Variants in POU2F2 observed in about 807,000 individuals in gnomAD.
POU2F2 encodes the protein POU class 2 homeobox 2.
A neutral mutation model predicts 63.5 loss-of-function variants in POU2F2; 14 were observed. The observed-to-expected ratio is 0.22, with a 90% CI of 0.15 to 0.34. POU2F2 has a LOEUF of 0.34. POU2F2 is among the 10% of genes least tolerant of loss of function. POU2F2 has a pLI of 1.00. For missense variants in POU2F2, 607 were observed against 815.2 expected (o/e 0.74, Z 3.11); for synonymous variants, 306 against 348.6 (o/e 0.88, Z 1.36).
chr19:42,091,485 C>A lies in POU2F2; in HGVS notation c.1647G>T (p.Ser549=). Residue 549 remains serine (S), a synonymous_variant, in exon 15 of 15, where the codon TCG becomes TCT. Coordinates refer to ENST00000692977, the MANE Select transcript of POU2F2 (RefSeq NM_001394376.1). ...GCCCAGCATGATTCAAGAAGAGCGG[C>A]GAGGTCACCAGGCCAGGGCTCCCCG... The part of the protein sequence containing the change: ...AAPGSPGLVT[S]PLFLNHAGLP... The A allele has an allele frequency of 1.3e-6, 2 of 1,549,602 alleles. No homozygotes were observed. The highest frequency in any genetic ancestry group is 8.7e-7 in the Non-Finnish European group (1 of 1,145,778).
chr19:42,192,044 T>C (rs2035080387), intron 1 of POU2F2, among the ~76,000 whole-genome samples: 1 of 152,212 alleles, frequency 6.6e-6, no homozygotes, highest in Non-Finnish European at 1.5e-5. Context: ...CTGTAAATGT[T>C]CACTATGTAT....
At chr19:42,122,613 G>A in intron 1 of POU2F2, 37 bp from the exon 2 acceptor site, 4 of 1,494,538 alleles carry the variant, frequency 2.7e-6, no homozygotes, top group Non-Finnish European at 3.6e-6. Context: ...GGGTGAAGGA[G>A]GGGAATCCAG....
intron 5 of POU2F2, among the ~76,000 whole-genome samples, chr19:42,106,806 G>C (rs924697593): frequency 2.0e-5 from 3 of 147,944 alleles, no homozygotes; most frequent in Non-Finnish European, 4.5e-5. Flanking sequence ...GGAGGAGGAA[G>C]AGGAGGAGGA....
intron 2 of POU2F2, among the ~76,000 whole-genome samples, chr19:42,151,328 G>A (rs929466329): frequency 1.3e-5 from 2 of 152,236 alleles, no homozygotes; most frequent in East Asian, 1.9e-4. Flanking sequence ...GGTGGGGGCC[G>A]CCTGCCCCTC....
intron 1 of POU2F2, among the ~76,000 whole-genome samples, chr19:42,188,294 A>G (rs1599732107): frequency 6.6e-6 from 1 of 150,794 alleles, no homozygotes; most frequent in Non-Finnish European, 1.5e-5. Context: ...TAAGTCTGGG[A>G]GGCAGAGGTT....
intron 1 of POU2F2, among the ~76,000 whole-genome samples, chr19:42,194,498 C>T (rs1457196533): frequency 6.6e-6 from 1 of 151,334 alleles, no homozygotes; most frequent in African/African-American, 2.4e-5. Flanking sequence ...GTGGCTCATG[C>T]CTGTAATCCC....
At position 42,092,970 on chromosome 19, in the gene POU2F2, ATATAT is replaced by A. The variant is rs1403079748; in HGVS notation, c.1265-705_1265-701del. ...TTATGTGTATATATATTATGCATAT[ATATAT>A]TATGTGTGTGTGTATATATATATAT... On this transcript the variant is annotated intron_variant, in intron 12 of 14. Coordinates refer to ENST00000692977, the MANE Select transcript of POU2F2 (RefSeq NM_001394376.1). The surrounding 1 kb of genome is among the most constrained non-coding windows in gnomAD (Gnocchi z 5.0). Among the ~76,000 whole-genome samples, 8 of 143,214 alleles carry A rather than the reference ATATAT, an allele frequency of 5.6e-5. No homozygotes were observed. Among genetic ancestry groups the A allele is most frequent in the African/African-American group, 1.3e-4 (5 of 38,658 alleles). The allele number at this position is 143,214 out of a possible 152,430, so 94.0% of individuals were successfully genotyped here. A position where few individuals can be genotyped will look rare whatever the true frequency, so the allele number is the denominator to read the frequency against.
intron 5 of POU2F2, among the ~76,000 whole-genome samples, chr19:42,111,077 C>T (rs1427105660): frequency 6.6e-6 from 1 of 152,128 alleles, no homozygotes; most frequent in African/African-American, 2.4e-5. Flanking sequence ...CTGAGTCCTT[C>T]CTTCCTTCCA....
At chr19:42,126,074 G>A (rs553523690) in intron 1 of POU2F2, among the ~76,000 whole-genome samples, 5 of 152,320 alleles carry the variant, frequency 3.3e-5, no homozygotes, top group East Asian at 3.9e-4. Context: ...TGTATTTGGA[G>A]ATAGGGTCTT....
At chr19:42,171,719 G>C (rs539940961) in intron 1 of POU2F2, among the ~76,000 whole-genome samples, 3 of 152,298 alleles carry the variant, frequency 2.0e-5, no homozygotes, top group South Asian at 2.1e-4. Flanking sequence ...CACCCCGGGT[G>C]GGGGAGGGTC....
At chr19:42,190,321 A>G (rs2035062278) in intron 1 of POU2F2, among the ~76,000 whole-genome samples, 2 of 152,076 alleles carry the variant, frequency 1.3e-5, no homozygotes, top group Non-Finnish European at 2.9e-5. Flanking sequence ...ACCTATATAT[A>G]TATATATGTT....
intron 1 of POU2F2, among the ~76,000 whole-genome samples, chr19:42,166,154 G>A (rs979627456): frequency 3.9e-5 from 6 of 152,170 alleles, no homozygotes; most frequent in Admixed American, 6.5e-5. Context: ...GAAAAGGATC[G>A]AGCACAGGAG....
upstream of POU2F2, chr19:42,177,450 G>A (rs2034908181): frequency 6.5e-6 from 1 of 153,040 alleles, no homozygotes; most frequent in African/African-American, 2.4e-5. Context: ...GAGAGGGAGA[G>A]GGAGAGGGCG....
upstream of POU2F2, among the ~76,000 whole-genome samples, chr19:42,179,610 G>A (rs958455525): frequency 2.6e-4 from 40 of 152,198 alleles, no homozygotes; most frequent in African/African-American, 9.2e-4. Context: ...ACCGCCCTTC[G>A]CTTTGTTACC....
chr19:42,163,560 G>A (rs913541023), intron 1 of POU2F2, among the ~76,000 whole-genome samples: 1 of 152,052 alleles, frequency 6.6e-6, no homozygotes, highest in Admixed American at 6.5e-5. Flanking sequence ...CTGCTGACAC[G>A]GCACATGTCT....
upstream of POU2F2, among the ~76,000 whole-genome samples, chr19:42,179,106 G>A (rs149623416): frequency 4.0e-4 from 61 of 152,260 alleles, 1 homozygote; most frequent in East Asian, 9.7e-4. Context: ...GGGATGGGGG[G>A]CAGAGACAGA....
intron 5 of POU2F2, chr19:42,110,750 C>T (rs1347174066): frequency 2.2e-6 from 1 of 456,128 alleles, no homozygotes; most frequent in South Asian, 1.5e-5. Context: ...AGTCTTACTT[C>T]ATGGAGCTGT....
rs757334613 is a variant in POU2F2, at chr19:42,099,551, C to A, written c.543G>T (p.Gln181His). 6.2e-7 allele frequency: 1 copy of A among 1,613,956 alleles called. No individual in the cohort carries two copies. The highest frequency in any genetic ancestry group is 8.5e-7 in the Non-Finnish European group (1 of 1,179,828). ...CCTGTGTGGGAAGCCCGGCCCGGGG[C>A]TGGGAGGTCAGAAGAGCTCCCTGGG... is the stretch of plus-strand genomic sequence containing the variant. Reference protein sequence around the residue: ...QQTQGALLTSQPRAGLPTQAV... With the variant: ...QQTQGALLTSHPRAGLPTQAV... The change falls in exon 7 of 15, where the codon CAG (glutamine) becomes CAT (histidine). Residue 181 changes from glutamine to histidine, a missense_variant. Gln to His is a conservative substitution (Grantham distance 24, BLOSUM62 0). This residue lies in a region of POU2F2 where 224 missense variants were observed against 264.3 expected (regional missense o/e 0.85). Coordinates refer to ENST00000692977, the MANE Select transcript of POU2F2 (RefSeq NM_001394376.1).
At chr19:42,146,032 C>CAA (rs1004458482) in intron 2 of POU2F2, among the ~76,000 whole-genome samples, 108 of 49,648 alleles carry the variant, frequency 2.2e-3, no homozygotes, top group African/African-American at 4.6e-3. Context: ...GACTCCGTCT[C>CAA]AAAAAAAAAA....
Sources: gnomAD v4.1 joint callset for allele counts (sites outside exome capture counted in the v4.1 genomes callset) on GRCh38, gnomAD v4.1.1 for gene constraint, gnomAD v4.1.1 regional missense constraint, Gnocchi (gnomAD v3.1) non-coding constraint, MANE v1.5 for transcripts, NCBI Gene and HGNC (gene_info 2026-07-23, HGNC 2026-07-21) for gene names.